The following PDE1C variants were observed in gnomAD, a reference collection of about 807,000 sequenced individuals.
The protein encoded by PDE1C is phosphodiesterase 1C.
Under a neutral mutation model 93.1 loss-of-function variants are expected in PDE1C, and 62 were observed. The ratio of observed to expected loss-of-function variants is 0.67; its 90% CI spans 0.54 to 0.82. The LOEUF is 0.82. Ranked by LOEUF, PDE1C falls within the 40% of genes least tolerant of loss-of-function variation. PDE1C has a pLI of 0.00. For synonymous variants in PDE1C, 325 were observed against 310.1 expected, an observed-to-expected ratio of 1.05 and a Z score of -0.50; for missense variants, 742 against 884.6, an observed-to-expected ratio of 0.84 and a Z score of 2.04.
intron 2 of PDE1C, among the ~76,000 whole-genome samples, chr7:31,904,668 CTAAA>C (rs1187327659): frequency 6.6e-6 from 1 of 151,780 alleles, no homozygotes; most frequent in Non-Finnish European, 1.5e-5. Context: ...AAAAAAAACA[CTAAA>C]TAAAGATCTT....
chr7:32,289,472 C>T (rs958636768), intron 1 of PDE1C, among the ~76,000 whole-genome samples: 3 of 152,186 alleles, frequency 2.0e-5, no homozygotes, highest in Non-Finnish European at 4.4e-5. Context: ...AACAACTTAT[C>T]AATTCACATT....
At chr7:32,012,536 G>A (rs530552911) in intron 2 of PDE1C, among the ~76,000 whole-genome samples, 49 of 152,264 alleles carry the variant, frequency 3.2e-4, no homozygotes, top group African/African-American at 1.2e-3. Context: ...CAGAATCTGT[G>A]TATGTAAAAT....
At chr7:31,719,531 A>G in the PDE1C span, among the ~76,000 whole-genome samples, 1 of 152,214 alleles carries the variant, frequency 6.6e-6, no homozygotes, top group Non-Finnish European at 1.5e-5. Flanking sequence ...CAATGCTATT[A>G]TAATTTATTG....
intron 2 of PDE1C, among the ~76,000 whole-genome samples, chr7:32,043,458 C>T (rs905405843): frequency 1.3e-5 from 2 of 152,156 alleles, no homozygotes; most frequent in Admixed American, 1.3e-4. Flanking sequence ...ATTGACAGTC[C>T]TGAAAATGCA....
intron 2 of PDE1C, among the ~76,000 whole-genome samples, chr7:31,883,402 A>T (rs770704220): frequency 1.3e-5 from 2 of 152,234 alleles, no homozygotes; most frequent in Non-Finnish European, 2.9e-5. Context: ...ATTTAAAAAG[A>T]TTCTGGAAAG....
chr7:32,238,652 A>G (rs887871407), intron 1 of PDE1C, among the ~76,000 whole-genome samples: 5 of 152,246 alleles, frequency 3.3e-5, no homozygotes, highest in Non-Finnish European at 7.3e-5. Flanking sequence ...AGATATTAGC[A>G]CTTAATTATG....
At chr7:31,877,854 A>C in intron 5 of PDE1C, 116 bp downstream of exon 5, 1 of 640,528 alleles carries the variant, frequency 1.6e-6, no homozygotes, top group South Asian at 2.0e-5. Context: ...TGAAAGAATA[A>C]AGTCAGGAAT....
At chr7:32,089,358 G>A (rs778766596) in intron 3 of PDE1C, among the ~76,000 whole-genome samples, 3 of 152,082 alleles carry the variant, frequency 2.0e-5, no homozygotes, top group Non-Finnish European at 4.4e-5. Flanking sequence ...CAGAACCCTG[G>A]GGCCTCTCAG....
the PDE1C span, chr7:31,695,433 T>C: frequency 6.4e-7 from 1 of 1,564,272 alleles, no homozygotes; most frequent in Non-Finnish European, 8.7e-7. Context: ...TTAATCATGT[T>C]ATATTCTTTA....
rs182734173 is a variant in PDE1C, at chr7:32,332,022, G to A, written c.310+95800C>T. Among the ~76,000 whole-genome samples, 21 of 152,212 alleles carry A rather than the reference G, an allele frequency of 1.4e-4. No individual in the cohort carries two copies. In the East Asian group the frequency reaches 3.3e-3, roughly 24 times the overall value. ...TCCCTACACAGTGTATATCAAAATC[G>A]TAATCAAGGTAAACCAAGATCATAG... is the stretch of plus-strand genomic sequence containing the variant. On this transcript the variant is annotated intron_variant, in intron 1 of 1. Transcript: ENST00000672256.
intron 1 of PDE1C, among the ~76,000 whole-genome samples, chr7:32,237,764 T>TATATATATATATATATATATA (rs1562607071): frequency 8.7e-5 from 7 of 80,028 alleles, no homozygotes; most frequent in Non-Finnish European, 1.4e-4. Context: ...ATATATATAC[T>TATATATATATATATATATATA]TTTTTTTTTT....
the PDE1C span, among the ~76,000 whole-genome samples, chr7:31,656,927 T>C: frequency 6.6e-6 from 1 of 151,596 alleles, no homozygotes; most frequent in Non-Finnish European, 1.5e-5. Flanking sequence ...CAGTGCATGA[T>C]GAACAATGTT....
the PDE1C span, chr7:31,642,653 G>A: frequency 1.3e-6 from 2 of 1,598,388 alleles, no homozygotes; most frequent in African/African-American, 1.3e-5. Context: ...TTCCTGACCT[G>A]TTTCCCTTTG....
At chr7:32,359,222 G>A (rs177365) in intron 1 of PDE1C, among the ~76,000 whole-genome samples, 93,214 of 151,738 alleles carry the variant, frequency 0.61, 29,907 homozygotes, top group Admixed American at 0.75. Context: ...CCCTTTCCCC[G>A]AACCCTGCTC....
the PDE1C span, among the ~76,000 whole-genome samples, chr7:31,736,522 T>C: frequency 2.6e-5 from 4 of 152,040 alleles, no homozygotes; most frequent in Non-Finnish European, 4.4e-5. Flanking sequence ...TTCTCTATCC[T>C]GGGAAACCTT....
At chr7:32,030,418 G>A (rs973457269) in intron 2 of PDE1C, among the ~76,000 whole-genome samples, 6 of 152,128 alleles carry the variant, frequency 3.9e-5, no homozygotes, top group African/African-American at 9.6e-5. Context: ...ATTTGAACAC[G>A]TGGATATATC....
At chr7:32,182,783 C>T (rs376262359) in intron 2 of PDE1C, among the ~76,000 whole-genome samples, 45 of 152,174 alleles carry the variant, frequency 3.0e-4, no homozygotes, top group African/African-American at 1.0e-3. Context: ...CAACATAGTG[C>T]TGGAAGTTCT....
At chr7:31,939,285 A>G (rs527600183) in intron 2 of PDE1C, among the ~76,000 whole-genome samples, 4 of 152,168 alleles carry the variant, frequency 2.6e-5, no homozygotes, top group Non-Finnish European at 5.9e-5. Context: ...AATCATTTAC[A>G]TGGTTATTCA....
chr7:32,289,147 G>A (rs927194226), intron 1 of PDE1C, among the ~76,000 whole-genome samples: 1 of 152,208 alleles, frequency 6.6e-6, no homozygotes, highest in African/African-American at 2.4e-5. Context: ...GCTCATGCCT[G>A]TAATCCCAAC....
Sources: gnomAD v4.1 joint callset for allele counts (sites outside exome capture counted in the v4.1 genomes callset) on GRCh38, gnomAD v4.1.1 for gene constraint, MANE v1.5 for transcripts, NCBI Gene and HGNC (gene_info 2026-07-23, HGNC 2026-07-21) for gene names.